Variants in TPTE2 observed in about 807,000 individuals in gnomAD.
TPTE2 encodes transmembrane phosphoinositide 3-phosphatase and tensin homolog 2.
Under a neutral mutation model 78.6 loss-of-function variants are expected in TPTE2, and 53 were observed. That is an observed-to-expected ratio of 0.67 (90% CI 0.54 to 0.85). The LOEUF (loss-of-function observed/expected upper bound fraction) is 0.85. TPTE2 is among the 40% of genes least tolerant of loss of function. TPTE2 has a pLI of 0.00. For missense variants in TPTE2, 461 were observed against 623.0 expected (o/e 0.74, Z 2.77); for synonymous variants, 175 against 206.2 (o/e 0.85, Z 1.30).
chr13:19,434,103 A>G (rs1876884554), intron 15 of TPTE2, among the ~76,000 whole-genome samples: 1 of 152,244 alleles, frequency 6.6e-6, no homozygotes, highest in South Asian at 2.1e-4. Context: ...GGCACTCACT[A>G]CAAACAAAGA....
At chr13:19,469,280 G>A (rs1356463792) in intron 6 of TPTE2, among the ~76,000 whole-genome samples, 2 of 152,128 alleles carry the variant, frequency 1.3e-5, no homozygotes, top group South Asian at 2.1e-4. Context: ...TTGAAGAGAC[G>A]TCTTTTGTTC....
At chr13:19,529,072 C>G (rs1273789392) in intron 1 of TPTE2, among the ~76,000 whole-genome samples, 2 of 152,136 alleles carry the variant, frequency 1.3e-5, no homozygotes, top group East Asian at 3.8e-4. Flanking sequence ...GAGCCAAGAT[C>G]GTGCCACTGT....
intron 1 of TPTE2, among the ~76,000 whole-genome samples, chr13:19,533,813 T>A (rs774689866): frequency 6.6e-6 from 1 of 152,160 alleles, no homozygotes; most frequent in Non-Finnish European, 1.5e-5. Flanking sequence ...CACTGTAGAA[T>A]TGTTGACAAT....
chr13:19,521,031 T>A (rs1870114083), intron 1 of TPTE2, among the ~76,000 whole-genome samples: 1 of 152,064 alleles, frequency 6.6e-6, no homozygotes, highest in Non-Finnish European at 1.5e-5. Context: ...TCCTGGGGAA[T>A]GTTCCATGTG....
upstream of TPTE2, among the ~76,000 whole-genome samples, chr13:19,504,790 G>A (rs1164131035): frequency 1.3e-5 from 2 of 152,060 alleles, no homozygotes; most frequent in African/African-American, 4.8e-5. Flanking sequence ...ATGATCCTGA[G>A]AGTAAAGCAC....
chr13:19,423,520 T>G (rs1875765194), intron 19 of TPTE2, among the ~76,000 whole-genome samples: 1 of 152,178 alleles, frequency 6.6e-6, no homozygotes, highest in Non-Finnish European at 1.5e-5. Flanking sequence ...AATTTATGTG[T>G]GAAGTTGCAA....
At chr13:19,426,012 T>C (rs1255997939) in intron 18 of TPTE2, among the ~76,000 whole-genome samples, 2 of 151,700 alleles carry the variant, frequency 1.3e-5, no homozygotes, top group Non-Finnish European at 2.9e-5. Context: ...TTAGCTATGA[T>C]CACGCCACTG....
At chr13:19,458,149 A>G (rs1878660436) in intron 10 of TPTE2, among the ~76,000 whole-genome samples, 1 of 152,214 alleles carries the variant, frequency 6.6e-6, no homozygotes, top group Non-Finnish European at 1.5e-5. Context: ...AACAAAGTCT[A>G]ATCATATCTT....
At chr13:19,472,430 A>G (rs1370757134) in intron 6 of TPTE2, among the ~76,000 whole-genome samples, 1 of 152,162 alleles carries the variant, frequency 6.6e-6, no homozygotes, top group African/African-American at 2.4e-5. Flanking sequence ...TGGTTTATCA[A>G]TTCTGCTATT....
intron 13 of TPTE2, among the ~76,000 whole-genome samples, chr13:19,441,792 G>A (rs1212369113): frequency 7.9e-5 from 12 of 151,706 alleles, no homozygotes; most frequent in Non-Finnish European, 5.9e-5. Flanking sequence ...ACAGTATACT[G>A]CAGAGCCTAA....
At chr13:19,511,435 A>C (rs1429710031) in intron 1 of TPTE2, among the ~76,000 whole-genome samples, 1 of 152,252 alleles carries the variant, frequency 6.6e-6, no homozygotes, top group South Asian at 2.1e-4. Context: ...TAAACATATG[A>C]AAATTGTTGC....
the TPTE2 span, among the ~76,000 whole-genome samples, chr13:19,542,943 T>C: frequency 6.6e-6 from 1 of 151,654 alleles, no homozygotes. Context: ...GTGAGCTATG[T>C]GCCAGTGTAC....
At chr13:19,506,297 A>G (rs1304503070), upstream of TPTE2, among the ~76,000 whole-genome samples, 7 of 143,764 alleles carry the variant, frequency 4.9e-5, no homozygotes, top group East Asian at 2.1e-4. Flanking sequence ...TCAGCCTCCC[A>G]AGTAGCTGGG....
intron 19 of TPTE2, among the ~76,000 whole-genome samples, chr13:19,424,504 T>G (rs1189206234): frequency 1.3e-5 from 2 of 152,208 alleles, no homozygotes; most frequent in African/African-American, 4.8e-5. Context: ...CTCCCAGATA[T>G]AAGTGTGTCC....
chr13:19,546,488 T>TC, the TPTE2 span, among the ~76,000 whole-genome samples: 9 of 127,640 alleles, frequency 7.1e-5, no homozygotes, highest in Non-Finnish European at 1.3e-4. Flanking sequence ...TTTTTCTTTT[T>TC]TTTTTTTTTT....
At chr13:19,550,195 C>T in the TPTE2 span, among the ~76,000 whole-genome samples, 8 of 151,036 alleles carry the variant, frequency 5.3e-5, no homozygotes, top group Non-Finnish European at 1.0e-4. Context: ...AAATTAGAGA[C>T]ACAAATAAAT....
chr13:19,433,418 G>A (rs1304549813), intron 15 of TPTE2, among the ~76,000 whole-genome samples: 18 of 152,256 alleles, frequency 1.2e-4, no homozygotes, highest in African/African-American at 3.9e-4. Context: ...CAGGAGAATC[G>A]CTTGAACCCA....
chr13:19,530,051 C>T (rs1011099149), intron 1 of TPTE2, among the ~76,000 whole-genome samples: 1 of 152,072 alleles, frequency 6.6e-6, no homozygotes, highest in African/African-American at 2.4e-5. Flanking sequence ...CTTGCTGAAC[C>T]TAAATGAAGA....
intron 14 of TPTE2, among the ~76,000 whole-genome samples, chr13:19,437,127 AG>A (rs1405860614): frequency 3.9e-5 from 6 of 152,084 alleles, no homozygotes; most frequent in African/African-American, 1.4e-4. Context: ...TATTTTCAAA[AG>A]ATGTCAGTTA....
Sources: allele counts gnomAD v4.1 joint callset (sites outside exome capture counted in the v4.1 genomes callset), GRCh38; gene constraint gnomAD v4.1.1; transcripts MANE v1.5; gene names NCBI Gene and HGNC (gene_info 2026-07-23, HGNC 2026-07-21).